The following SP2 variants were observed in gnomAD, a reference collection of about 807,000 sequenced individuals.
The protein encoded by SP2 is Sp2 transcription factor.
A neutral mutation model predicts 50.1 loss-of-function variants in SP2; 9 were observed. The ratio of observed to expected loss-of-function variants is 0.18; its 90% CI spans 0.11 to 0.31. The LOEUF is 0.31. Ranked by LOEUF, SP2 falls within the 10% of genes least tolerant of loss-of-function variation. SP2 has a pLI of 1.00. For synonymous variants in SP2, 313 were observed against 326.6 expected (o/e 0.96, Z 0.45); for missense variants, 581 against 806.5 (o/e 0.72, Z 3.39).
At position 47,915,560 on chromosome 17, in the gene SP2, C is replaced by T. The variant is rs1018901669; in HGVS notation, c.84+172C>T. ...AACTATGGCCATTTACCTAAGGTGC[C>T]GCAGTTGGGCCAGGGGGAAAAACAA... On this transcript the variant is annotated intron_variant, in intron 2 of 6. Transcript: ENST00000376741. Among the ~76,000 whole-genome samples the T allele has an allele frequency of 5.3e-5, 8 of 152,224 alleles. No homozygotes were observed. In the East Asian group the frequency reaches 7.7e-4, roughly 15 times the overall value.
chr17:47,896,538 G>A (rs1432032466), intron 1 of SP2, among the ~76,000 whole-genome samples: 1 of 152,086 alleles, frequency 6.6e-6, no homozygotes, highest in Non-Finnish European at 1.5e-5. Context: ...GAGCCCGCCG[G>A]GCGGGAGGGC....
intron 2 of SP2, 53 bp downstream of exon 2, chr17:47,915,441 T>C: frequency 8.3e-7 from 1 of 1,212,034 alleles, no homozygotes; most frequent in African/African-American, 1.5e-5. Flanking sequence ...CTGGACAGAC[T>C]CACCGAAAAC....
chr17:47,915,285 A>G (rs1278104324), intron 1 of SP2, 27 bp from the exon 2 acceptor site: 30 of 1,551,680 alleles, frequency 1.9e-5, no homozygotes, highest in Middle Eastern at 1.7e-4. Flanking sequence ...CATTTTATAC[A>G]TTACTCCATC....
downstream of SP2, among the ~76,000 whole-genome samples, chr17:47,930,209 G>A (rs1031993113): frequency 6.6e-6 from 1 of 152,184 alleles, no homozygotes; most frequent in Non-Finnish European, 1.5e-5. Context: ...CTCATGCGTG[G>A]ACTGCATGAC....
At chr17:47,920,431 C>T (rs766563926) in intron 3 of SP2, among the ~76,000 whole-genome samples, 8 of 152,024 alleles carry the variant, frequency 5.3e-5, no homozygotes, top group Middle Eastern at 3.2e-3. Flanking sequence ...AGACTACAGG[C>T]GAGCGCCACC....
At chr17:47,915,237 A>T in intron 1 of SP2, 75 bp from the exon 2 acceptor site, 1 of 1,095,928 alleles carries the variant, frequency 9.1e-7, no homozygotes. Flanking sequence ...ATAGAAAAAA[A>T]GAAAATCTGA....
intron 3 of SP2, among the ~76,000 whole-genome samples, chr17:47,921,187 T>TAAA (rs2035442512): frequency 6.6e-6 from 1 of 152,242 alleles, no homozygotes. Context: ...TGCCTCTTTT[T>TAAA]AATTCTGTCA....
intron 3 of SP2, among the ~76,000 whole-genome samples, chr17:47,919,825 CTTTTTTT>C (rs141856390): frequency 2.5e-4 from 24 of 94,802 alleles, no homozygotes; most frequent in Admixed American, 8.7e-4. Context: ...TTTGTCATTC[CTTTTTTT>C]TTTTTTTTTT....
intron 1 of SP2, chr17:47,908,841 C>T (rs1288295637): frequency 6.6e-6 from 1 of 152,286 alleles, no homozygotes; most frequent in African/African-American, 2.4e-5. Flanking sequence ...AGGTGTGATC[C>T]ACCGCGCCCG....
At chr17:47,927,207 G>A (rs2035684069) in intron 6 of SP2, among the ~76,000 whole-genome samples, 2 of 152,086 alleles carry the variant, frequency 1.3e-5, no homozygotes, top group African/African-American at 4.8e-5. Flanking sequence ...TCAAATGGGG[G>A]GTCAGAGAGA....
chr17:47,916,075 CAGG>C lies in SP2; in HGVS notation c.85-75_85-73del. 1 of 1,505,654 alleles carries C rather than the reference CAGG, an allele frequency of 6.6e-7. No homozygotes were observed. The highest frequency in any genetic ancestry group is 8.9e-7 in the Non-Finnish European group (1 of 1,123,488). The allele number at this position is 1,505,654 out of a possible 1,614,324, so 93.3% of individuals were successfully genotyped here. On this transcript the variant is annotated intron_variant, in intron 2 of 6. Transcript: ENST00000376741. This position sits in a 1 kb window ranked among gnomAD's most constrained non-coding sequence, Gnocchi z 4.7. The stretch of plus-strand genomic sequence containing the variant: ...GGGGAAGACTGGCGTGGAATGCCGC[CAGG>C]AGGAGAGGATCATGGACAGAGGCGG...
chr17:47,912,684 A>T (rs62067378), intron 1 of SP2, among the ~76,000 whole-genome samples: 1 of 151,514 alleles, frequency 6.6e-6, no homozygotes, highest in African/African-American at 2.4e-5. Context: ...GCCTCAAGCA[A>T]TCCTCCCACT....
chr17:47,923,154 G>A lies in SP2; in HGVS notation c.1252G>A (p.Ala418Thr). 1 of 1,614,230 alleles carries A rather than the reference G, an allele frequency of 6.2e-7. No homozygotes were observed. Among genetic ancestry groups the A allele is most frequent in the Non-Finnish European group, 8.5e-7 (1 of 1,180,036 alleles). The change falls in exon 4 of 7, where the codon GCC (alanine) becomes ACC (threonine). Residue 418 changes from alanine to threonine, a missense_variant. By Grantham distance (58) the Ala-to-Thr change is moderately conservative. Around this residue, in one of 2 missense-constraint regions of SP2, gnomAD observed 184 missense variants for 315.5 expected, o/e 0.58. Transcript: ENST00000376741. ...GCGTCCCCTGCCAAAGATTGCCCCA[G>A]CCGGGAGCATCATCAGCCTGAATGC... ...KERPLPKIAPAGSIISLNAAQ... is the reference protein window; with the variant it reads ...KERPLPKIAPTGSIISLNAAQ...
Position 47,924,959 on chromosome 17 carries a change from C to G in SP2, c.1413C>G (p.Asn471Lys). The change falls in exon 5 of 7, where the codon AAC becomes AAG. Residue 471 changes from asparagine to lysine, a missense_variant. By Grantham distance (94) the Asn-to-Lys change is moderately conservative (BLOSUM62 0). This residue lies in a region of SP2 where 184 missense variants were observed against 315.5 expected (regional missense o/e 0.58). Coordinates refer to ENST00000376741, the MANE Select transcript of SP2 (RefSeq NM_003110.6). The part of the protein sequence containing the change: ...QLTVQNVSGN[N>K]LTISGLSPTQ... ...CAGTGCAGAATGTTTCTGGGAACAA[C>G]CTGACCATCAGTGGGCTGAGCCCCA... The G allele has an allele frequency of 6.2e-7, 1 of 1,612,696 alleles. No individual in the cohort carries two copies. The highest frequency in any genetic ancestry group is 8.5e-7 in the Non-Finnish European group (1 of 1,178,964).
intron 1 of SP2, among the ~76,000 whole-genome samples, chr17:47,906,602 C>G (rs1245198843): frequency 5.3e-5 from 8 of 152,138 alleles, no homozygotes. Flanking sequence ...AGCCAGAGAC[C>G]TGAAGGGTGA....
At chr17:47,907,170 A>T (rs996268774) in intron 1 of SP2, among the ~76,000 whole-genome samples, 2 of 152,014 alleles carry the variant, frequency 1.3e-5, no homozygotes, top group Admixed American at 1.3e-4. Flanking sequence ...ATGAGTGAGT[A>T]GGGAAGGAGG....
chr17:47,915,460 T>G, intron 2 of SP2, 72 bp downstream of exon 2: 1 of 944,268 alleles, frequency 1.1e-6, no homozygotes, highest in Non-Finnish European at 1.6e-6. Context: ...ACACTCTCTC[T>G]TCACTGTCTC....
chr17:47,925,876 A>AACTTTATGGG (rs1261971259), intron 6 of SP2, among the ~76,000 whole-genome samples: 3 of 149,052 alleles, frequency 2.0e-5, no homozygotes, highest in African/African-American at 7.4e-5. Flanking sequence ...TCCTGGTAAG[A>AACTTTATGGG]ACTTTATGGG....
At chr17:47,923,522 A>G (rs2035539008) in intron 4 of SP2, among the ~76,000 whole-genome samples, 1 of 152,240 alleles carries the variant, frequency 6.6e-6, no homozygotes, top group Non-Finnish European at 1.5e-5. Flanking sequence ...TTTCCAACTG[A>G]CATCCAAACG....
Sources: allele counts gnomAD v4.1 joint callset (sites outside exome capture counted in the v4.1 genomes callset), GRCh38; gene constraint gnomAD v4.1.1; regional missense constraint gnomAD v4.1.1; non-coding constraint Gnocchi (gnomAD v3.1); transcripts MANE v1.5; gene names NCBI Gene and HGNC (gene_info 2026-07-23, HGNC 2026-07-21).